The following METTL25 variants were observed in gnomAD, a reference collection of about 807,000 sequenced individuals.
METTL25 encodes methyltransferase like 25.
METTL25 carries 64 observed loss-of-function variants against 71.6 expected under a neutral mutation model. The observed-to-expected ratio is 0.89, with a 90% CI of 0.73 to 1.10. The LOEUF is 1.10. METTL25 is among the 50% of genes least tolerant of loss of function. The pLI is 0.00. For missense variants in METTL25, 807 were observed against 707.0 expected, an observed-to-expected ratio of 1.14 and a Z score of -1.60; for synonymous variants, 287 against 250.3, an observed-to-expected ratio of 1.15 and a Z score of -1.38.
chr12:82,381,655 T>A (rs901678415), intron 1 of METTL25, among the ~76,000 whole-genome samples: 2 of 152,224 alleles, frequency 1.3e-5, no homozygotes, highest in African/African-American at 4.8e-5. Flanking sequence ...ACTTAACTCA[T>A]CCCATCTTTA....
intron 1 of METTL25, among the ~76,000 whole-genome samples, chr12:82,385,644 T>C (rs912368211): frequency 1.3e-5 from 2 of 152,140 alleles, no homozygotes; most frequent in Non-Finnish European, 2.9e-5. Context: ...CATAGAACAA[T>C]GAGATTGAAC....
intron 9 of METTL25, among the ~76,000 whole-genome samples, chr12:82,460,958 A>G (rs1040119192): frequency 6.6e-6 from 1 of 152,196 alleles, no homozygotes; most frequent in South Asian, 2.1e-4. Context: ...CCTGGCTAAC[A>G]CAGTGAAACC....
At chr12:82,404,626 T>C (rs988520472) in intron 5 of METTL25, among the ~76,000 whole-genome samples, 1 of 152,110 alleles carries the variant, frequency 6.6e-6, no homozygotes, top group Non-Finnish European at 1.5e-5. Flanking sequence ...ATTCAATTAA[T>C]AAATGGCTCA....
chr12:82,361,676 C>T (rs907268543), intron 1 of METTL25, among the ~76,000 whole-genome samples: 3 of 152,206 alleles, frequency 2.0e-5, no homozygotes, highest in Non-Finnish European at 2.9e-5. Flanking sequence ...AAGCTCCTCA[C>T]TGCCTGGGGC....
In METTL25 at chr12:82,389,830, G is replaced by A. The variant is rs1390067186; in HGVS notation, c.439G>A (p.Ala147Thr). 6.3e-7 allele frequency: 1 copy of A among 1,598,662 alleles called. No individual in the cohort carries two copies. The highest frequency in any genetic ancestry group is 8.5e-7 in the Non-Finnish European group (1 of 1,169,940). Residue 147 changes from alanine (A) to threonine (T), a missense_variant, in exon 3 of 12, where the codon GCA (alanine) becomes ACA (threonine). Ala to Thr is a moderately conservative substitution (Grantham distance 58). Coordinates refer to ENST00000248306, the MANE Select transcript of METTL25 (RefSeq NM_032230.3). ...ATTTTCATTAGGTGAAAATCAGAAG[G>A]CAGTTGAGTTTATGAATATGAAGAA... ...QNQRIGENQK[A>T]VEFMNMKKSH...
intron 7 of METTL25, among the ~76,000 whole-genome samples, chr12:82,435,651 G>T (rs987368908): frequency 6.6e-6 from 1 of 151,134 alleles, no homozygotes; most frequent in South Asian, 2.1e-4. Context: ...TCATTTCTCT[G>T]TAGCTTAATT....
intron 3 of METTL25, among the ~76,000 whole-genome samples, chr12:82,398,272 C>T (rs1886261891): frequency 6.7e-6 from 1 of 148,926 alleles, no homozygotes; most frequent in Non-Finnish European, 1.5e-5. Flanking sequence ...TTTATAGAGA[C>T]AGGATCTTGC....
intron 6 of METTL25, 107 bp downstream of exon 6, chr12:82,431,094 A>G: frequency 1.7e-6 from 1 of 583,076 alleles, no homozygotes; most frequent in Non-Finnish European, 3.0e-6. Flanking sequence ...AGAACATCCC[A>G]TTAATGCTTT....
At chr12:82,423,012 C>A (rs1251369671) in intron 5 of METTL25, among the ~76,000 whole-genome samples, 3 of 152,172 alleles carry the variant, frequency 2.0e-5, no homozygotes, top group Admixed American at 2.0e-4. Flanking sequence ...CATCAAACTA[C>A]CAATGACTTT....
In METTL25 at chr12:82,459,343, G is replaced by A. The variant is rs58864609; in HGVS notation, c.1572+2523G>A. Among the ~76,000 whole-genome samples, 449 of 152,210 alleles carry A rather than the reference G, an allele frequency of 2.9e-3. 4 individuals are homozygous for A. Among genetic ancestry groups the A allele is most frequent in the African/African-American group, 0.01 (422 of 41,516 alleles). On this transcript the variant is annotated intron_variant, in intron 9 of 11. Transcript: ENST00000248306. ...GCTAAAGATCAAAAAATACTGTCACGGTAGCCAGCCATGGTGGCTCACACC... is the reference window on the plus strand; with the variant it reads ...GCTAAAGATCAAAAAATACTGTCACAGTAGCCAGCCATGGTGGCTCACACC...
chr12:82,418,870 G>A (rs906722865), intron 5 of METTL25, among the ~76,000 whole-genome samples: 1 of 152,176 alleles, frequency 6.6e-6, no homozygotes, highest in Non-Finnish European at 1.5e-5. Flanking sequence ...AGTTTTATGT[G>A]GGTATGTGAT....
chr12:82,472,097 T>C (rs538660502), intron 9 of METTL25, among the ~76,000 whole-genome samples: 34 of 152,308 alleles, frequency 2.2e-4, no homozygotes, highest in Non-Finnish European at 4.0e-4. Context: ...TCTTGGGACA[T>C]TGGGACATTG....
chr12:82,438,894 G>A lies in METTL25; in HGVS notation c.1478+103G>A, dbSNP rs1218215845. 5 of 1,094,468 alleles carry A rather than the reference G, an allele frequency of 4.6e-6. No homozygotes were observed. In the East Asian group the frequency reaches 9.3e-5, roughly 20 times the overall value. 67.8% of individuals were successfully genotyped at this position (1,094,468 alleles called of 1,614,324 possible). The stretch of plus-strand genomic sequence containing the variant: ...TGCAGGGTCACTGTTATTAGTAGAA[G>A]CAACTTTGAATTTGAGCATAATGTC... On this transcript the variant is annotated intron_variant, in intron 8 of 11. Transcript: ENST00000248306.
intron 5 of METTL25, among the ~76,000 whole-genome samples, chr12:82,428,904 G>A (rs1022126808): frequency 3.0e-4 from 45 of 151,748 alleles, no homozygotes; most frequent in Admixed American, 1.3e-4. Flanking sequence ...GTAAATACTA[G>A]CATTTTTATT....
intron 5 of METTL25, among the ~76,000 whole-genome samples, chr12:82,413,144 G>T (rs1887684196): frequency 6.6e-6 from 1 of 151,824 alleles, no homozygotes; most frequent in South Asian, 2.1e-4. Flanking sequence ...GGAGATTGAG[G>T]CATGAACATT....
At chr12:82,375,700 C>G (rs1156368418) in intron 1 of METTL25, among the ~76,000 whole-genome samples, 1 of 152,142 alleles carries the variant, frequency 6.6e-6, no homozygotes, top group Non-Finnish European at 1.5e-5. Context: ...GAATTTAAAC[C>G]TACTGATGTT....
At chr12:82,391,744 T>A (rs1261633356) in intron 3 of METTL25, among the ~76,000 whole-genome samples, 1 of 147,140 alleles carries the variant, frequency 6.8e-6, no homozygotes, top group Non-Finnish European at 1.5e-5. Flanking sequence ...TTTTTTTGGA[T>A]ATATACCCAG....
chr12:82,414,330 T>G (rs556424187), intron 5 of METTL25, among the ~76,000 whole-genome samples: 2 of 152,362 alleles, frequency 1.3e-5, no homozygotes, highest in African/African-American at 2.4e-5. Flanking sequence ...GACAGCTGTA[T>G]GTGATCTTCA....
chr12:82,401,629 C>A (rs1176396674), intron 4 of METTL25, among the ~76,000 whole-genome samples: 1 of 151,852 alleles, frequency 6.6e-6, no homozygotes, highest in Non-Finnish European at 1.5e-5. Context: ...ATAACTATTT[C>A]TTTAACATCT....
Sources: allele counts gnomAD v4.1 joint callset (sites outside exome capture counted in the v4.1 genomes callset), GRCh38; gene constraint gnomAD v4.1.1; transcripts MANE v1.5; gene names NCBI Gene and HGNC (gene_info 2026-07-23, HGNC 2026-07-21).